KCNAB1: variants seen among roughly 807,000 people sequenced by gnomAD.
The protein encoded by KCNAB1 is voltage-gated potassium channel subunit beta-1.
KCNAB1 carries 35 observed loss-of-function variants against 64.6 expected under a neutral mutation model. The observed-to-expected ratio is 0.54, with a 90% CI of 0.41 to 0.72. The LOEUF (loss-of-function observed/expected upper bound fraction) is 0.72, where lower values mean the gene tolerates loss of function less well. KCNAB1 is among the 30% of genes least tolerant of loss of function. The pLI, the probability that KCNAB1 is intolerant of heterozygous loss-of-function variation, is 0.00. For synonymous variants in KCNAB1, 177 were observed against 183.8 expected, an observed-to-expected ratio of 0.96 and a Z score of 0.30; for missense variants, 401 against 512.9, an observed-to-expected ratio of 0.78 and a Z score of 2.11.
At chr3:156,253,376 T>C (rs984396160) in intron 1 of KCNAB1, among the ~76,000 whole-genome samples, 5 of 152,226 alleles carry the variant, frequency 3.3e-5, no homozygotes, top group Non-Finnish European at 7.4e-5. Context: ...CCAGGGCTGA[T>C]GAGCCATTGG....
At chr3:156,162,029 T>A (rs1002091011) in intron 1 of KCNAB1, among the ~76,000 whole-genome samples, 1 of 152,180 alleles carries the variant, frequency 6.6e-6, no homozygotes, top group Non-Finnish European at 1.5e-5. Flanking sequence ...GGTTTTGAAT[T>A]TTTTGGTCTT....
intron 1 of KCNAB1, among the ~76,000 whole-genome samples, chr3:156,202,287 G>T (rs1714384276): frequency 6.6e-6 from 1 of 152,136 alleles, no homozygotes; most frequent in Non-Finnish European, 1.5e-5. Flanking sequence ...GGTGAGAGTG[G>T]GTTGCTTCTT....
Position 156,401,797 on chromosome 3 carries a change from A to G in KCNAB1, c.276-19819A>G, listed in dbSNP as rs1713912751. Among the ~76,000 whole-genome samples, 2 of 152,198 alleles carry G rather than the reference A, an allele frequency of 1.3e-5. 1 individual carries two copies. The highest frequency in any genetic ancestry group is 4.1e-4 in the South Asian group (2 of 4,828). On this transcript the variant is annotated intron_variant, in intron 1 of 13. Coordinates refer to ENST00000490337, the MANE Select transcript of KCNAB1 (RefSeq NM_172160.3). ...CATTCTAGAATATGTTCTTCTCTAC[A>G]TTTGTAAAAGAATGATTGCCTGGCA...
intron 1 of KCNAB1, among the ~76,000 whole-genome samples, chr3:156,138,932 G>A (rs182465639): frequency 8.1e-4 from 124 of 152,262 alleles, no homozygotes; most frequent in Non-Finnish European, 1.5e-3. Context: ...TCAGCAGGAC[G>A]GGGCAGGCAG....
At chr3:156,365,547 T>C (rs1725895147) in intron 1 of KCNAB1, among the ~76,000 whole-genome samples, 1 of 152,232 alleles carries the variant, frequency 6.6e-6, no homozygotes, top group African/African-American at 2.4e-5. Context: ...CCAGTATTTT[T>C]CACAGTTGTA....
At chr3:156,126,675 G>T (rs1426254826) in intron 1 of KCNAB1, among the ~76,000 whole-genome samples, 1 of 152,210 alleles carries the variant, frequency 6.6e-6, no homozygotes, top group African/African-American at 2.4e-5. Flanking sequence ...CCTGCGAGAA[G>T]CAGTTGGTTT....
At chr3:156,226,508 G>A (rs1027314164) in intron 1 of KCNAB1, among the ~76,000 whole-genome samples, 3 of 152,016 alleles carry the variant, frequency 2.0e-5, no homozygotes, top group African/African-American at 4.8e-5. Context: ...TAGACAAGAC[G>A]TCATGACCAA....
chr3:156,172,056 C>G (rs891516749), intron 1 of KCNAB1, among the ~76,000 whole-genome samples: 1 of 152,090 alleles, frequency 6.6e-6, no homozygotes, highest in African/African-American at 2.4e-5. Context: ...TGGCATTATG[C>G]CAAGAAAAAT....
chr3:156,513,171 C>A (rs773820333), intron 8 of KCNAB1, among the ~76,000 whole-genome samples: 3 of 151,904 alleles, frequency 2.0e-5, no homozygotes, highest in Non-Finnish European at 2.9e-5. Context: ...GAGATCTTGC[C>A]ACTGCACTCC....
At chr3:156,125,327 T>C (rs952113336) in intron 1 of KCNAB1, among the ~76,000 whole-genome samples, 3 of 152,058 alleles carry the variant, frequency 2.0e-5, no homozygotes, top group African/African-American at 7.2e-5. Flanking sequence ...AAGTATATAC[T>C]TCACCTAGCA....
chr3:156,308,653 T>A (rs1471575349), intron 1 of KCNAB1, among the ~76,000 whole-genome samples: 1 of 152,226 alleles, frequency 6.6e-6, no homozygotes, highest in Non-Finnish European at 1.5e-5. Context: ...CACTTATACG[T>A]TCTTGATGCT....
At chr3:156,505,313 A>C (rs1008865017) in intron 8 of KCNAB1, among the ~76,000 whole-genome samples, 35 of 152,208 alleles carry the variant, frequency 2.3e-4, no homozygotes, top group African/African-American at 8.2e-4. Flanking sequence ...TCTTTGTAGT[A>C]TATTTTCAGG....
chr3:156,312,703 CAAAAAAAAAAA>C (rs397991453), intron 1 of KCNAB1, among the ~76,000 whole-genome samples: 7 of 27,422 alleles, frequency 2.6e-4, no homozygotes, highest in South Asian at 4.6e-3. Flanking sequence ...AGACTGTCTC[CAAAAAAAAAAA>C]AAAAAAAAAA....
chr3:156,323,502 C>G (rs1722798246), intron 1 of KCNAB1, among the ~76,000 whole-genome samples: 1 of 152,142 alleles, frequency 6.6e-6, no homozygotes, highest in Non-Finnish European at 1.5e-5. Context: ...TCTGTCTGTA[C>G]ATTGACCCCC....
chr3:156,361,870 G>C (rs1725636567), intron 1 of KCNAB1, among the ~76,000 whole-genome samples: 1 of 152,100 alleles, frequency 6.6e-6, no homozygotes, highest in South Asian at 2.1e-4. Context: ...ATGTTGCCCA[G>C]GCTGGTCTCT....
At chr3:156,318,367 A>T (rs1722431444) in intron 1 of KCNAB1, among the ~76,000 whole-genome samples, 1 of 152,116 alleles carries the variant, frequency 6.6e-6, no homozygotes, top group African/African-American at 2.4e-5. Context: ...AGGCAGGCAG[A>T]GTGAGTGCCC....
At chr3:156,122,776 A>T (rs1246380061) in intron 1 of KCNAB1, among the ~76,000 whole-genome samples, 1 of 152,246 alleles carries the variant, frequency 6.6e-6, no homozygotes, top group Non-Finnish European at 1.5e-5. Flanking sequence ...TTCCAGGAAG[A>T]AACGAGTATG....
chr3:156,210,113 T>G (rs1185069211), intron 1 of KCNAB1, among the ~76,000 whole-genome samples: 2 of 152,210 alleles, frequency 1.3e-5, no homozygotes, highest in Admixed American at 1.3e-4. Context: ...GGTTATTGAA[T>G]TGGAGTGGAA....
intron 1 of KCNAB1, among the ~76,000 whole-genome samples, chr3:156,418,801 T>G (rs1715272086): frequency 6.6e-6 from 1 of 152,332 alleles, no homozygotes; most frequent in Non-Finnish European, 1.5e-5. Flanking sequence ...CTGAATTTCA[T>G]AACTGTTCTA....
Sources: allele counts gnomAD v4.1 joint callset (sites outside exome capture counted in the v4.1 genomes callset), GRCh38; gene constraint gnomAD v4.1.1; transcripts MANE v1.5; gene names NCBI Gene and HGNC (gene_info 2026-07-23, HGNC 2026-07-21).